NPC1: variants seen among roughly 807,000 people sequenced by gnomAD.
The protein encoded by NPC1 is NPC intracellular cholesterol transporter 1.
NPC1 carries 85 observed loss-of-function variants against 140.4 expected under a neutral mutation model. The observed-to-expected ratio is 0.61, with a 90% CI of 0.51 to 0.72. NPC1 has a LOEUF of 0.72. Ranked by LOEUF, NPC1 falls within the 30% of genes least tolerant of loss-of-function variation. The pLI, the probability that NPC1 is intolerant of heterozygous loss-of-function variation, is 0.00. For synonymous variants in NPC1, 656 were observed against 624.8 expected, an observed-to-expected ratio of 1.05 and a Z score of -0.74; for missense variants, 1,504 against 1,623.8, an observed-to-expected ratio of 0.93 and a Z score of 1.27.
chr18:23,542,552 C>G (rs1183023381), intron 14 of NPC1, among the ~76,000 whole-genome samples: 2 of 152,222 alleles, frequency 1.3e-5, no homozygotes, highest in Non-Finnish European at 2.9e-5. Flanking sequence ...ATGGGGCAGA[C>G]AGCCCCACTA....
At chr18:23,581,928 A>C (rs1016874715) in intron 1 of NPC1, 1 of 152,206 alleles carries the variant, frequency 6.6e-6, no homozygotes, top group Non-Finnish European at 1.5e-5. Flanking sequence ...ACTATGAAGA[A>C]GACAGTGATA....
chr18:23,525,155 A>C (rs542093491), downstream of NPC1, among the ~76,000 whole-genome samples: 383 of 151,676 alleles, frequency 2.5e-3, 3 homozygotes, highest in Non-Finnish European at 4.4e-3. Context: ...CATGTTGGTC[A>C]GGCTGGTCTC....
chr18:23,514,203 T>C (rs1026968138), intron 3 of NPC1, among the ~76,000 whole-genome samples: 3 of 152,240 alleles, frequency 2.0e-5, no homozygotes, highest in Non-Finnish European at 2.9e-5. Context: ...TGCTTTGCTG[T>C]AAGGCCATCA....
rs2058530841 is a variant in NPC1 at position 23,532,116 on chromosome 18, A to G, written c.*86T>C. 3 of 1,613,798 alleles carry G rather than the reference A, an allele frequency of 1.9e-6. No homozygotes were observed. The highest frequency in any genetic ancestry group is 2.5e-6 in the Non-Finnish European group (3 of 1,179,936). ...CGATGGTTGGCACCATCCGGTGTTC[A>G]ACTTGGCCTTGCCGATGCAGCACCC... is the stretch of plus-strand genomic sequence containing the variant. On this transcript the variant is annotated 3_prime_UTR_variant, in exon 25 of 25. Transcript: ENST00000269228.
intron 24 of NPC1, 134 bp from the exon 25 acceptor site, chr18:23,532,418 A>G (rs1468210310): frequency 1.1e-6 from 1 of 923,730 alleles, no homozygotes; most frequent in Non-Finnish European, 1.8e-6. Context: ...CCTGGACAAC[A>G]GAGTGAGACC....
At chr18:23,541,242 G>A (rs755069153) in intron 15 of NPC1, 34 bp from the exon 16 acceptor site, 10 of 1,614,050 alleles carry the variant, frequency 6.2e-6, no homozygotes, top group South Asian at 5.5e-5. Flanking sequence ...GGTTATACCC[G>A]CTAGCTGCTT....
intron 12 of NPC1, 64 bp from the exon 13 acceptor site, chr18:23,544,590 A>G (rs543751932): frequency 4.1e-6 from 6 of 1,462,292 alleles, no homozygotes; most frequent in Admixed American, 1.7e-5. Flanking sequence ...CTTGTTACTA[A>G]AAGGTCCTCC....
intron 9 of NPC1, among the ~76,000 whole-genome samples, chr18:23,552,049 T>G (rs1340739377): frequency 6.6e-6 from 1 of 151,970 alleles, no homozygotes; most frequent in Admixed American, 6.6e-5. Flanking sequence ...GCTCCGAGGA[T>G]GAGGGGGATT....
At chr18:23,547,449 C>G (rs1469903704) in intron 11 of NPC1, among the ~76,000 whole-genome samples, 1 of 152,102 alleles carries the variant, frequency 6.6e-6, no homozygotes, top group African/African-American at 2.4e-5. Flanking sequence ...TGTTAGAAAA[C>G]AATGCAGGTG....
At chr18:23,529,495 G>C, downstream of NPC1, 5 of 1,243,134 alleles carry the variant, frequency 4.0e-6, no homozygotes, top group Non-Finnish European at 5.7e-6. Flanking sequence ...GGTGGTTCTG[G>C]AGCGATGTGT....
intron 22 of NPC1, among the ~76,000 whole-genome samples, 191 bp downstream of exon 22, chr18:23,535,278 C>T (rs1354738779): frequency 6.6e-6 from 1 of 152,162 alleles, no homozygotes; most frequent in East Asian, 1.9e-4. Flanking sequence ...TCAATGCTCG[C>T]TCCCTCTATG....
intron 3 of NPC1, among the ~76,000 whole-genome samples, chr18:23,511,774 T>G (rs1199405574): frequency 6.6e-6 from 1 of 152,098 alleles, no homozygotes; most frequent in Non-Finnish European, 1.5e-5. Context: ...GGACATTGGC[T>G]GGTTTTCCAT....
chr18:23,521,029 A>G (rs1488848882), downstream of NPC1, among the ~76,000 whole-genome samples: 2 of 151,984 alleles, frequency 1.3e-5, no homozygotes, highest in East Asian at 3.9e-4. Context: ...AAATTTTTAT[A>G]TTTTTGGTAG....
intron 9 of NPC1, among the ~76,000 whole-genome samples, chr18:23,553,837 A>C (rs61562062): frequency 0.014 from 2,086 of 152,102 alleles, 35 homozygotes; most frequent in African/African-American, 0.049. Flanking sequence ...TCCTAAGGGA[A>C]GCAGCTGCAG....
intron 1 of NPC1, among the ~76,000 whole-genome samples, chr18:23,584,167 T>C (rs1488303203): frequency 1.3e-5 from 2 of 152,154 alleles, no homozygotes; most frequent in Non-Finnish European, 2.9e-5. Flanking sequence ...TATTGAACAT[T>C]AAGAAAAAGC....
chr18:23,570,518 T>G (rs2059186473), intron 3 of NPC1, among the ~76,000 whole-genome samples: 1 of 152,246 alleles, frequency 6.6e-6, no homozygotes, highest in Non-Finnish European at 1.5e-5. Flanking sequence ...TTTTCCATTC[T>G]CTATTGTTAA....
chr18:23,514,506 G>A (rs888019556), intron 3 of NPC1, among the ~76,000 whole-genome samples: 10 of 151,864 alleles, frequency 6.6e-5, no homozygotes, highest in South Asian at 4.2e-4. Context: ...GCGGTGAGCC[G>A]AGATTGTGCC....
rs1435325792 is a variant in NPC1 at position 23,561,400 on chromosome 18, G to A, written c.591C>T (p.Asp197=). Residue 197 remains aspartate (D), a synonymous_variant, in exon 5 of 25, where the codon GAC becomes GAT. Transcript: ENST00000269228. ...TGATGGTAAAAGGTGCCTGTCCATT[G>A]TCCTTATTGAACATGTATTCAATCC... The part of the protein sequence containing the change: ...TNWIEYMFNK[D]NGQAPFTITP... The A allele has an allele frequency of 3.7e-6, 6 of 1,614,036 alleles. No individual in the cohort carries two copies. The highest frequency in any genetic ancestry group is 3.4e-6 in the Non-Finnish European group (4 of 1,180,032).
Position 23,540,467 on chromosome 18 carries a change from T to G in NPC1, c.2585A>C (p.Gln862Pro), listed in dbSNP as rs2058698495. 1 of 1,606,728 alleles carries G rather than the reference T, an allele frequency of 6.2e-7. No individual in the cohort carries two copies. The highest frequency in any genetic ancestry group is 8.5e-7 in the Non-Finnish European group (1 of 1,175,208). The stretch of plus-strand genomic sequence containing the variant: ...TCTTACATCTGGCATCGAAAGAGAC[T>G]GATCCAATCCAATATCTACTTTGTT... ...VLNKVDIGLDQSLSMPDDSYM... is the reference protein window; with the variant it reads ...VLNKVDIGLDPSLSMPDDSYM... The change falls in exon 17 of 25, where the codon CAG becomes CCG. Residue 862 changes from glutamine to proline, a missense_variant. By Grantham distance (76) the Gln-to-Pro change is moderately conservative (BLOSUM62 -1). Transcript: ENST00000269228.
Sources: gnomAD v4.1 joint callset for allele counts (sites outside exome capture counted in the v4.1 genomes callset) on GRCh38, gnomAD v4.1.1 for gene constraint, MANE v1.5 for transcripts, NCBI Gene and HGNC (gene_info 2026-07-23, HGNC 2026-07-21) for gene names.